Variants in BCAS3 observed in about 807,000 individuals in gnomAD.
BCAS3 encodes BCAS3 microtubule associated cell migration factor, also known as BCAS4/BCAS3 fusion.
BCAS3 carries 53 observed loss-of-function variants against 116.1 expected under a neutral mutation model. The observed-to-expected ratio is 0.46, with a 90% CI of 0.37 to 0.57. The LOEUF (loss-of-function observed/expected upper bound fraction) is 0.57, where lower values mean the gene tolerates loss of function less well. Among genes scored for constraint, BCAS3 ranks in the 20% least tolerant of loss-of-function variants. The pLI is 0.00. For missense variants in BCAS3, 917 were observed against 1,165.4 expected, an observed-to-expected ratio of 0.79 and a Z score of 3.10; for synonymous variants, 391 against 408.2, an observed-to-expected ratio of 0.96 and a Z score of 0.51.
chr17:60,756,502 A>G (rs977441791), intron 6 of BCAS3, among the ~76,000 whole-genome samples: 1 of 152,122 alleles, frequency 6.6e-6, no homozygotes, highest in Non-Finnish European at 1.5e-5. Context: ...TTTAGCTTCC[A>G]CATATGAGTG....
chr17:61,212,472 ATGTGTC>A, intron 22 of BCAS3, among the ~76,000 whole-genome samples: 1 of 152,068 alleles, frequency 6.6e-6, no homozygotes, highest in East Asian at 1.9e-4. Flanking sequence ...TCTATAGAAA[ATGTGTC>A]TGTATGTTCA....
intron 13 of BCAS3, among the ~76,000 whole-genome samples, chr17:60,930,904 A>G (rs2059612818): frequency 6.6e-6 from 1 of 152,212 alleles, no homozygotes; most frequent in Non-Finnish European, 1.5e-5. Flanking sequence ...ATGGAATAAC[A>G]CTGCAAAACG....
intron 22 of BCAS3, among the ~76,000 whole-genome samples, chr17:61,234,723 C>T (rs575875096): frequency 1.3e-5 from 2 of 150,246 alleles, no homozygotes; most frequent in Non-Finnish European, 2.9e-5. Context: ...AGGGCCTTTT[C>T]CAGCCAGCAG....
At chr17:61,386,773 GTTTTTTTTTGTTTTTGTTTTTTGTT>G (rs1278503692) in intron 23 of BCAS3, among the ~76,000 whole-genome samples, 1 of 143,252 alleles carries the variant, frequency 7.0e-6, no homozygotes, top group Non-Finnish European at 1.5e-5. Flanking sequence ...TTTCCTTACT[GTTTTTTTTTGTTTTTGTTTTTTGTT>G]TTTTTTTTTT....
At chr17:61,232,552 G>A (rs2082753667) in intron 22 of BCAS3, among the ~76,000 whole-genome samples, 1 of 152,066 alleles carries the variant, frequency 6.6e-6, no homozygotes, top group Non-Finnish European at 1.5e-5. Context: ...CTTCTTCATG[G>A]TCCATGTTCT....
Position 61,279,777 on chromosome 17 carries a change from GA to G in BCAS3, c.2426-88536del, listed in dbSNP as rs879689269. Among the ~76,000 whole-genome samples the G allele has an allele frequency of 4.7e-4, 64 of 136,648 alleles. No individual in the cohort carries two copies. Among genetic ancestry groups the G allele is most frequent in the African/African-American group, 7.0e-4 (26 of 37,244 alleles). 89.6% of individuals were successfully genotyped at this position (136,648 alleles called of 152,430 possible). A position where few individuals can be genotyped will look rare whatever the true frequency, so the allele number is the denominator to read the frequency against. On this transcript the variant is annotated intron_variant, in intron 22 of 23. Transcript: ENST00000407086. This position sits in a 1 kb window ranked among gnomAD's most constrained non-coding sequence, Gnocchi z 4.4. ...GCACTGGTCCCTCTGCTTGAGTGAA[GA>G]AAAAAAAAAAAAACTAGGCAGGTAA...
At chr17:60,831,657 T>C (rs2050945106) in intron 7 of BCAS3, among the ~76,000 whole-genome samples, 1 of 151,986 alleles carries the variant, frequency 6.6e-6, no homozygotes, top group African/African-American at 2.4e-5. Context: ...CCTCCCTACG[T>C]GTGTGTGGGT....
rs1443929096 is a variant in BCAS3 at position 61,095,550 on chromosome 17, C to T, written c.2425+10986C>T. 6.6e-6 allele frequency among the ~76,000 whole-genome samples: 1 copy of T among 152,016 alleles called. No homozygotes were observed. Among genetic ancestry groups the T allele is most frequent in the African/African-American group, 2.4e-5 (1 of 41,384 alleles). On this transcript the variant is annotated intron_variant, in intron 22 of 23. Coordinates refer to ENST00000407086, the MANE Select transcript of BCAS3 (RefSeq NM_017679.5). The surrounding 1 kb of genome is among the most constrained non-coding windows in gnomAD (Gnocchi z 4.7). ...TGGTGCAATCTCGGTTCATTGCAAC[C>T]TCTGCCTCCAGGTTCAAGTGCTTCT...
At chr17:61,114,294 A>G (rs1021459373) in intron 22 of BCAS3, among the ~76,000 whole-genome samples, 39 of 146,262 alleles carry the variant, frequency 2.7e-4, no homozygotes, top group Admixed American at 1.9e-3. Flanking sequence ...AGAGGAAGTC[A>G]AATTGTCCGT....
At chr17:60,679,681 C>G in intron 2 of BCAS3, 141 bp downstream of exon 2, 1 of 696,816 alleles carries the variant, frequency 1.4e-6, no homozygotes. Flanking sequence ...TAATAATTGC[C>G]AAGACCAAAT....
chr17:61,194,258 T>TCGC (rs1204180786), intron 22 of BCAS3, among the ~76,000 whole-genome samples: 1 of 152,308 alleles, frequency 6.6e-6, no homozygotes, highest in Admixed American at 6.5e-5. Flanking sequence ...CTTTCCTCAC[T>TCGC]ATTACAAATG....
chr17:60,818,603 C>T (rs536624205), intron 7 of BCAS3, among the ~76,000 whole-genome samples: 1 of 152,144 alleles, frequency 6.6e-6, no homozygotes, highest in Non-Finnish European at 1.5e-5. Context: ...CCGATATTAT[C>T]TCCATAGGCA....
intron 6 of BCAS3, among the ~76,000 whole-genome samples, chr17:60,773,267 A>G (rs903467295): frequency 2.0e-5 from 2 of 100,658 alleles, no homozygotes; most frequent in African/African-American, 3.7e-5. Context: ...TTTATTTTGT[A>G]TTATCTGACT....
chr17:61,380,640 G>T lies in BCAS3; in HGVS notation c.2594-11337G>T. On this transcript the variant is annotated intron_variant, in intron 23 of 23. Transcript: ENST00000407086. The surrounding 1 kb of genome is among the most constrained non-coding windows in gnomAD (Gnocchi z 4.2). ...GTTGCTTCTTTTGTCCCTCAAGAGGGTGCCCTCCTACCCCCTCGTGCCCAG... is the reference window on the plus strand; with the variant it reads ...GTTGCTTCTTTTGTCCCTCAAGAGGTTGCCCTCCTACCCCCTCGTGCCCAG... 3.4e-6 allele frequency: 5 copies of T among 1,483,786 alleles called. No individual in the cohort carries two copies. Among genetic ancestry groups the T allele is most frequent in the Middle Eastern group, 1.7e-4 (1 of 5,848 alleles). 91.9% of individuals were successfully genotyped at this position (1,483,786 alleles called of 1,614,324 possible).
intron 5 of BCAS3, among the ~76,000 whole-genome samples, chr17:60,710,622 G>A (rs1464306252): frequency 6.6e-6 from 1 of 151,708 alleles, no homozygotes; most frequent in Non-Finnish European, 1.5e-5. Context: ...TAGTACAGAT[G>A]GGGTTTCACC....
chr17:60,702,694 A>G (rs1044552449), intron 4 of BCAS3, among the ~76,000 whole-genome samples: 2 of 152,086 alleles, frequency 1.3e-5, no homozygotes, highest in Admixed American at 1.3e-4. Context: ...GGCTCAAGCA[A>G]TCTTCCCACC....
rs2073247812 is a variant in BCAS3 at position 61,088,275 on chromosome 17, G to A, written c.2425+3711G>A. ...GTAAGATGTTCCATTGTTGGCTGAGGAGATCATTTTGGAAATGGACACATT... is the reference window on the plus strand; with the variant it reads ...GTAAGATGTTCCATTGTTGGCTGAGAAGATCATTTTGGAAATGGACACATT... On this transcript the variant is annotated intron_variant, in intron 22 of 23. Coordinates refer to ENST00000407086, the MANE Select transcript of BCAS3 (RefSeq NM_017679.5). The surrounding 1 kb of genome is among the most constrained non-coding windows in gnomAD (Gnocchi z 4.2). 6.6e-6 allele frequency among the ~76,000 whole-genome samples: 1 copy of A among 152,158 alleles called. No individual in the cohort carries two copies. The highest frequency in any genetic ancestry group is 1.5e-5 in the Non-Finnish European group (1 of 68,040).
rs1428343015 is a variant in BCAS3 at position 61,186,776 on chromosome 17, T to A, written c.2425+102212T>A. On this transcript the variant is annotated intron_variant, in intron 22 of 23. Coordinates refer to ENST00000407086, the MANE Select transcript of BCAS3 (RefSeq NM_017679.5). This position sits in a 1 kb window ranked among gnomAD's most constrained non-coding sequence, Gnocchi z 4.9. The stretch of plus-strand genomic sequence containing the variant: ...CCCAGGTTGGAGTGCAGTGGCACGA[T>A]CTCAGCTTACTGCAAGCTCCACCTC... 6.6e-6 allele frequency among the ~76,000 whole-genome samples: 1 copy of A among 151,952 alleles called. No individual in the cohort carries two copies. Among genetic ancestry groups the A allele is most frequent in the Non-Finnish European group, 1.5e-5 (1 of 68,006 alleles).
intron 15 of BCAS3, among the ~76,000 whole-genome samples, chr17:60,991,096 C>G (rs1241118235): frequency 6.6e-6 from 1 of 152,160 alleles, no homozygotes; most frequent in Non-Finnish European, 1.5e-5. Context: ...TAACATTAAA[C>G]CACAATTCTC....
Sources: gnomAD v4.1 joint callset for allele counts (sites outside exome capture counted in the v4.1 genomes callset) on GRCh38, gnomAD v4.1.1 for gene constraint, Gnocchi (gnomAD v3.1) non-coding constraint, MANE v1.5 for transcripts, NCBI Gene and HGNC (gene_info 2026-07-23, HGNC 2026-07-21) for gene names.